Variants in CSE1L observed in about 807,000 individuals in gnomAD.
The protein encoded by CSE1L is exportin-2.
Under a neutral mutation model 120.4 loss-of-function variants are expected in CSE1L, and 24 were observed. The ratio of observed to expected loss-of-function variants is 0.20; its 90% confidence interval spans 0.14 to 0.28. The LOEUF (loss-of-function observed/expected upper bound fraction) is 0.28, where lower values mean the gene tolerates loss of function less well. Among genes scored for constraint, CSE1L ranks in the 10% least tolerant of loss-of-function variants. The pLI is 1.00. For missense variants in CSE1L, 830 were observed against 1,145.2 expected (o/e 0.72, Z 3.97); for synonymous variants, 402 against 398.3 (o/e 1.01, Z -0.11).
Position 49,063,365 on chromosome 20 carries a change from TA to T in CSE1L, c.228+23del, listed in dbSNP as rs1398000832. 1.0e-5 allele frequency: 14 copies of T among 1,394,710 alleles called. No individual in the cohort carries two copies. In the Admixed American group the frequency reaches 3.2e-4, roughly 32 times the overall value. The allele number at this position is 1,394,710 out of a possible 1,614,324, so 86.4% of individuals were successfully genotyped here. ...GAATTGTAAGTATTTTGTGAATACA[TA>T]ATTTAATACCCTGTATGTTTATAAG... On this transcript the variant is annotated intron_variant, in intron 3 of 24. Transcript: ENST00000262982.
chr20:49,065,755 G>A (rs999779718), intron 3 of CSE1L, among the ~76,000 whole-genome samples: 2 of 145,614 alleles, frequency 1.4e-5, no homozygotes, highest in Non-Finnish European at 3.0e-5. Flanking sequence ...CACCATGTCC[G>A]GCTAATTTTT....
chr20:49,082,145 C>CT (rs2092017830), intron 14 of CSE1L, among the ~76,000 whole-genome samples: 1 of 150,776 alleles, frequency 6.6e-6, no homozygotes, highest in Non-Finnish European at 1.5e-5. Flanking sequence ...TCAAGCCATG[C>CT]TTTTTTTATA....
At chr20:49,078,016 T>TAAAAAAAAAAAA (rs2091982687) in intron 13 of CSE1L, among the ~76,000 whole-genome samples, 1 of 151,972 alleles carries the variant, frequency 6.6e-6, no homozygotes, top group African/African-American at 2.4e-5. Context: ...AAAAAAAAAT[T>TAAAAAAAAAAAA]AAGGATAGTT....
rs879860096 is a variant in CSE1L at position 49,083,912 on chromosome 20, G to C, written c.1483-114G>C. ...GGCAGCAGCATCTCCTATTATAACAGAGCTTAAAAATAGCAAATTGTTCTT... is the reference window on the plus strand; with the variant it reads ...GGCAGCAGCATCTCCTATTATAACACAGCTTAAAAATAGCAAATTGTTCTT... On this transcript the variant is annotated intron_variant, in intron 14 of 24. Coordinates refer to ENST00000262982, the MANE Select transcript of CSE1L (RefSeq NM_001316.4). 20 of 1,095,236 alleles carry C rather than the reference G, an allele frequency of 1.8e-5. No homozygotes were observed. The Admixed American group carries it at 5.2e-4, about 28-fold the overall frequency. The allele number at this position is 1,095,236 out of a possible 1,614,324, so 67.8% of individuals were successfully genotyped here.
intron 24 of CSE1L, among the ~76,000 whole-genome samples, chr20:49,095,583 G>A (rs1362929873): frequency 1.3e-5 from 2 of 152,004 alleles, no homozygotes; most frequent in African/African-American, 4.8e-5. Context: ...CCAAAGTGCT[G>A]GGATTACAAG....
intron 2 of CSE1L, among the ~76,000 whole-genome samples, chr20:49,061,963 C>A (rs569460390): frequency 6.6e-6 from 1 of 152,096 alleles, no homozygotes; most frequent in Non-Finnish European, 1.5e-5. Flanking sequence ...CCTTTTGAGA[C>A]TCCTTGAGTG....
Position 49,096,482 on chromosome 20 carries a change from A to T in CSE1L, c.*44A>T. The stretch of plus-strand genomic sequence containing the variant: ...GCTAAACCCAGATGGTTTCCTAGGA[A>T]ATCACAGGCTTCTGAGCACAGCTGC... On this transcript the variant is annotated 3_prime_UTR_variant, in exon 25 of 25. Transcript: ENST00000262982. 2.1e-6 allele frequency: 3 copies of T among 1,418,040 alleles called. No individual in the cohort carries two copies. Among genetic ancestry groups the T allele is most frequent in the South Asian group, 2.3e-5 (2 of 86,992 alleles). The allele number at this position is 1,418,040 out of a possible 1,614,324, so 87.8% of individuals were successfully genotyped here.
chr20:49,089,472 A>T, intron 18 of CSE1L, 66 bp from the exon 19 acceptor site: 1 of 1,605,534 alleles, frequency 6.2e-7, no homozygotes, highest in Admixed American at 1.7e-5. Context: ...CACCTAAGCG[A>T]TGTGGGCCTT....
At chr20:49,089,205 G>A (rs753758716) in intron 17 of CSE1L, 42 bp from the exon 18 acceptor site, 2 of 1,475,822 alleles carry the variant, frequency 1.4e-6, no homozygotes, top group Admixed American at 2.4e-5. Context: ...AAGGTTAGGT[G>A]TGGATTATTA....
chr20:49,055,844 C>T (rs1007311359), intron 1 of CSE1L, among the ~76,000 whole-genome samples: 1 of 151,920 alleles, frequency 6.6e-6, no homozygotes, highest in African/African-American at 2.4e-5. Context: ...TATCACTGTT[C>T]TACATTTTGG....
chr20:49,073,866 C>G (rs552535183), intron 10 of CSE1L, among the ~76,000 whole-genome samples: 14 of 152,136 alleles, frequency 9.2e-5, no homozygotes, highest in African/African-American at 3.4e-4. Context: ...AAATTAAGGA[C>G]AATATAGCGT....
intron 14 of CSE1L, among the ~76,000 whole-genome samples, chr20:49,080,540 G>C (rs368075386): frequency 6.6e-6 from 1 of 152,064 alleles, no homozygotes; most frequent in African/African-American, 2.4e-5. Flanking sequence ...GCAATGGAAC[G>C]ATCTCGGCTC....
Position 49,058,552 on chromosome 20 carries a change from A to T in CSE1L, c.85+4A>T. ...GATCCTGCCATCCGACGTCCAGGTA[A>T]AGAAAATAAACGTTTTTTGGTTGAT... On this transcript the variant is annotated splice_donor_region_variant and intron_variant, in intron 2 of 24. Coordinates refer to ENST00000262982, the MANE Select transcript of CSE1L (RefSeq NM_001316.4). 6.8e-6 allele frequency: 11 copies of T among 1,611,950 alleles called. No homozygotes were observed. Among genetic ancestry groups the T allele is most frequent in the Non-Finnish European group, 9.3e-6 (11 of 1,178,460 alleles).
Position 49,075,516 on chromosome 20 carries a change from A to G in CSE1L, c.1331A>G (p.Gln444Arg). 4.3e-6 allele frequency: 7 copies of G among 1,613,604 alleles called. No homozygotes were observed. The highest frequency in any genetic ancestry group is 5.9e-6 in the Non-Finnish European group (7 of 1,179,540). The change falls in exon 12 of 25, where the codon CAG (glutamine) becomes CGG (arginine). Residue 444 changes from glutamine (Q) to arginine (R), a missense_variant. Physicochemically the swap from Gln to Arg is conservative, Grantham distance 43 (BLOSUM62 1). Around this residue, in one of 4 missense-constraint regions of CSE1L, gnomAD observed 543 missense variants for 640.2 expected, o/e 0.85. Coordinates refer to ENST00000262982, the MANE Select transcript of CSE1L (RefSeq NM_001316.4). ...VTSLASKAQTQKHGITQANEL... is the reference protein window; with the variant it reads ...VTSLASKAQTRKHGITQANEL... Reference sequence around the variant, plus strand: ...TCTTTGGCATCAAAAGCCCAAACACAGAAGGTAAATATTTTTAATGTGGTT... The same window carrying G: ...TCTTTGGCATCAAAAGCCCAAACACGGAAGGTAAATATTTTTAATGTGGTT...
intron 19 of CSE1L, among the ~76,000 whole-genome samples, chr20:49,089,950 C>T (rs781643059): frequency 6.6e-6 from 1 of 151,856 alleles, no homozygotes; most frequent in African/African-American, 2.4e-5. Flanking sequence ...AGATCTATCT[C>T]TACAAAGGAA....
At chr20:49,071,568 C>T (rs1332648492) in intron 8 of CSE1L, among the ~76,000 whole-genome samples, 3 of 152,098 alleles carry the variant, frequency 2.0e-5, no homozygotes, top group African/African-American at 4.8e-5. Flanking sequence ...ACTGCAGCTT[C>T]GACCTCCCTG....
At chr20:49,093,564 CTTTTTT>C (rs11477256) in intron 22 of CSE1L, among the ~76,000 whole-genome samples, 3 of 117,562 alleles carry the variant, frequency 2.6e-5, no homozygotes, top group Admixed American at 9.3e-5. Flanking sequence ...GCTCCTCTCT[CTTTTTT>C]TTTTTTTTTT....
In CSE1L at chr20:49,094,929, C is replaced by A; in HGVS notation, c.2792C>A (p.Ser931Ter). Residue 931 changes from serine (S) to a stop codon, truncating the protein, a stop_gained, in exon 24 of 25, where the codon TCA becomes TAA. Coordinates refer to ENST00000262982, the MANE Select transcript of CSE1L (RefSeq NM_001316.4). LOFTEE classifies it high-confidence loss of function. ...VNNPKIHLAQ[S>*]LHKLSTACPG... is the part of the protein sequence containing the mutation. ...AACCCCAAAATTCACCTGGCACAGT[C>A]ACTTCACAAGTTGTCTACCGCCTGT... 6.2e-7 allele frequency: 1 copy of A among 1,614,090 alleles called. No homozygotes were observed. Among genetic ancestry groups the A allele is most frequent in the South Asian group, 1.1e-5 (1 of 91,062 alleles).
At chr20:49,070,361 C>T in intron 8 of CSE1L, 64 bp downstream of exon 8, 1 of 762,820 alleles carries the variant, frequency 1.3e-6, no homozygotes, top group Non-Finnish European at 2.2e-6. Context: ...TGGCTACAGT[C>T]TGGAAACCTA....
Sources: gnomAD v4.1 joint callset for allele counts (sites outside exome capture counted in the v4.1 genomes callset) on GRCh38, gnomAD v4.1.1 for gene constraint, gnomAD v4.1.1 regional missense constraint, MANE v1.5 for transcripts, NCBI Gene and HGNC (gene_info 2026-07-23, HGNC 2026-07-21) for gene names.